Variants in EVL observed in about 807,000 individuals in gnomAD.
EVL encodes Enah/Vasp-like.
In EVL, 21 loss-of-function variants were observed where a neutral mutation model predicts 59.6. The observed-to-expected ratio is 0.35, with a 90% confidence interval of 0.25 to 0.51. The LOEUF is 0.51. Ranked by LOEUF, EVL falls within the 20% of genes least tolerant of loss-of-function variation. EVL has a pLI of 0.97. For missense variants in EVL, 462 were observed against 546.6 expected, an observed-to-expected ratio of 0.85 and a Z score of 1.54; for synonymous variants, 198 against 203.5, an observed-to-expected ratio of 0.97 and a Z score of 0.23.
At chr14:100,072,631 C>T (rs760614511) in intron 1 of EVL, among the ~76,000 whole-genome samples, 9 of 152,302 alleles carry the variant, frequency 5.9e-5, no homozygotes, top group East Asian at 1.9e-4. Flanking sequence ...AATGTATGCT[C>T]AGGTCCCTAG....
At chr14:100,079,575 A>G (rs2062246355) in intron 1 of EVL, among the ~76,000 whole-genome samples, 1 of 152,186 alleles carries the variant, frequency 6.6e-6, no homozygotes, top group African/African-American at 2.4e-5. Context: ...GGACAGGTCT[A>G]CATCCTGTGC....
chr14:100,113,062 G>C (rs1887104385), intron 3 of EVL, among the ~76,000 whole-genome samples: 1 of 152,220 alleles, frequency 6.6e-6, no homozygotes, highest in Admixed American at 6.5e-5. Flanking sequence ...GTGGTGAAGG[G>C]GAGAGCTACT....
At chr14:100,111,450 C>T (rs1262913470) in intron 3 of EVL, among the ~76,000 whole-genome samples, 2 of 152,182 alleles carry the variant, frequency 1.3e-5, no homozygotes, top group South Asian at 2.1e-4. Flanking sequence ...AGCCACCGTG[C>T]CCGGCCAGTT....
intron 3 of EVL, among the ~76,000 whole-genome samples, chr14:100,115,279 T>G (rs966973033): frequency 2.0e-5 from 3 of 152,206 alleles, no homozygotes; most frequent in African/African-American, 7.2e-5. Context: ...AGCTGGAGAC[T>G]GGGTCTAGCC....
chr14:100,113,815 T>C (rs909477274), intron 3 of EVL, among the ~76,000 whole-genome samples: 2 of 152,046 alleles, frequency 1.3e-5, no homozygotes, highest in African/African-American at 4.8e-5. Flanking sequence ...TTTGGTGGGA[T>C]TGGCTGGGAG....
At chr14:99,985,333 A>C (rs2060833243) in intron 1 of EVL, among the ~76,000 whole-genome samples, 2 of 151,930 alleles carry the variant, frequency 1.3e-5, no homozygotes, top group Admixed American at 1.3e-4. Context: ...GCCTAGGGGA[A>C]CTGGCAGGAT....
At chr14:99,986,705 G>GAT (rs1013062955) in intron 1 of EVL, among the ~76,000 whole-genome samples, 3 of 152,218 alleles carry the variant, frequency 2.0e-5, no homozygotes, top group African/African-American at 7.2e-5. Flanking sequence ...GTTCCAAGGA[G>GAT]ATAGAGCATA....
At chr14:100,111,232 C>T (rs1886968829) in intron 3 of EVL, among the ~76,000 whole-genome samples, 2 of 144,628 alleles carry the variant, frequency 1.4e-5, no homozygotes. Context: ...ACTCAGCTCA[C>T]TGCAACCTCT....
At chr14:99,982,628 C>T (rs1253472244) in intron 1 of EVL, among the ~76,000 whole-genome samples, 1 of 152,054 alleles carries the variant, frequency 6.6e-6, no homozygotes, top group East Asian at 1.9e-4. Context: ...GTTCTGTCTG[C>T]TCACCAGGGG....
intron 1 of EVL, among the ~76,000 whole-genome samples, chr14:100,042,727 AGCTACAACGTTT>A (rs1384430811): frequency 6.6e-6 from 1 of 152,208 alleles, no homozygotes; most frequent in Admixed American, 6.5e-5. Context: ...AATATGCTTA[AGCTACAACGTTT>A]GTGGAGGCTA....
Position 100,028,976 on chromosome 14 carries a change from A to G in EVL, c.6-55711A>G, listed in dbSNP as rs184669089. On this transcript the variant is annotated intron_variant, in intron 1 of 13. Coordinates refer to the EVL transcript ENST00000402714. ...TCTCTAGGCCTTAGTTACCTCACAT[A>G]TAGCAAAAGGACTATTTTGAGGATA... Among the ~76,000 whole-genome samples the G allele has an allele frequency of 1.0e-3, 155 of 152,354 alleles. 1 individual carries two copies. Among genetic ancestry groups the G allele is most frequent in the African/African-American group, 3.6e-3 (151 of 41,590 alleles).
At chr14:100,040,525 G>A (rs533976348) in intron 1 of EVL, among the ~76,000 whole-genome samples, 20 of 152,276 alleles carry the variant, frequency 1.3e-4, no homozygotes, top group Middle Eastern at 3.4e-3. Context: ...AGGACAGAAC[G>A]GAGCCTGACT....
rs2061275614 is a variant in EVL at position 100,029,585 on chromosome 14, A to G, written c.6-55102A>G. On this transcript the variant is annotated intron_variant, in intron 1 of 13. Transcript: ENST00000402714. ...AGATTGGGATAGATTCCATAGGGAT[A>G]CAGATAACGTGCTGTGGCCGGGAGG... 4.6e-5 allele frequency among the ~76,000 whole-genome samples: 7 copies of G among 152,330 alleles called. No individual in the cohort carries two copies. In the South Asian group the frequency reaches 1.5e-3, roughly 32 times the overall value.
chr14:100,113,644 GA>G (rs1380498659), intron 3 of EVL, among the ~76,000 whole-genome samples: 1 of 152,212 alleles, frequency 6.6e-6, no homozygotes, highest in Admixed American at 6.5e-5. Flanking sequence ...CAGCAAGTGT[GA>G]GGGGTGGAGG....
At chr14:100,019,756 T>A in intron 1 of EVL, 1 of 1,429,154 alleles carries the variant, frequency 7.0e-7, no homozygotes, top group Non-Finnish European at 9.4e-7. Context: ...TGCTGTGTAA[T>A]GACAGCTTAG....
Position 100,124,001 on chromosome 14 carries a change from A to G in EVL, c.422+399A>G, listed in dbSNP as rs1887866904. Among the ~76,000 whole-genome samples the G allele has an allele frequency of 2.0e-5, 3 of 152,260 alleles. No homozygotes were observed. In the South Asian group the frequency reaches 6.2e-4, roughly 32 times the overall value. ...TCACGCCCATGGGATGGGGCTAGGG[A>G]CCATAGGAATGAACCCCCTCACCCC... On this transcript the variant is annotated intron_variant, in intron 4 of 13. Transcript: ENST00000392920.
intron 5 of EVL, among the ~76,000 whole-genome samples, chr14:100,126,988 A>G (rs1022736242): frequency 3.3e-5 from 5 of 152,200 alleles, no homozygotes; most frequent in Admixed American, 2.0e-4. Flanking sequence ...CTACCTGCCA[A>G]CCTTCTCCGG....
At chr14:100,071,146 T>A (rs144865446) in intron 1 of EVL, among the ~76,000 whole-genome samples, 1 of 152,262 alleles carries the variant, frequency 6.6e-6, no homozygotes, top group Non-Finnish European at 1.5e-5. Flanking sequence ...TGATTGCCCA[T>A]GATGTGGGCA....
intron 1 of EVL, among the ~76,000 whole-genome samples, chr14:100,030,237 A>G (rs908508075): frequency 1.3e-5 from 2 of 151,356 alleles, no homozygotes; most frequent in African/African-American, 4.9e-5. Context: ...GATTACAGAC[A>G]TGTGCCACCA....
Sources: gnomAD v4.1 joint callset for allele counts (sites outside exome capture counted in the v4.1 genomes callset) on GRCh38, gnomAD v4.1.1 for gene constraint, MANE v1.5 for transcripts, NCBI Gene and HGNC (gene_info 2026-07-23, HGNC 2026-07-21) for gene names.